Variants in CNTNAP5 observed in about 807,000 individuals in gnomAD.
The protein encoded by CNTNAP5 is contactin-associated protein-like 5.
Under a neutral mutation model 150.2 loss-of-function variants are expected in CNTNAP5, and 72 were observed. The observed-to-expected ratio is 0.48, with a 90% confidence interval of 0.40 to 0.58. The LOEUF (loss-of-function observed/expected upper bound fraction) is 0.58. Ranked by LOEUF, CNTNAP5 falls within the 20% of genes least tolerant of loss-of-function variation. CNTNAP5 has a pLI of 0.00. For synonymous variants in CNTNAP5, 672 were observed against 619.8 expected (o/e 1.08, Z -1.25); for missense variants, 1,636 against 1,626.2 (o/e 1.01, Z -0.10).
chr2:124,920,730 A>G lies in CNTNAP5; in HGVS notation c.*6442A>G, dbSNP rs1678855553. ...AATATAACTTTATTTACAAAATCTAATTTAGTTCATAGGTTACGGTTTGCT... is the reference window on the plus strand; with the variant it reads ...AATATAACTTTATTTACAAAATCTAGTTTAGTTCATAGGTTACGGTTTGCT... On this transcript the variant is annotated 3_prime_UTR_variant, in exon 24 of 24. Coordinates refer to ENST00000682447, the MANE Select transcript of CNTNAP5 (RefSeq NM_001367498.1). Among the ~76,000 whole-genome samples, 1 of 152,242 alleles carries G rather than the reference A, an allele frequency of 6.6e-6. No homozygotes were observed. Among genetic ancestry groups the G allele is most frequent in the South Asian group, 2.1e-4 (1 of 4,826 alleles).
At chr2:124,500,087 C>T (rs1210535628) in intron 7 of CNTNAP5, among the ~76,000 whole-genome samples, 1 of 152,058 alleles carries the variant, frequency 6.6e-6, no homozygotes, top group Non-Finnish European at 1.5e-5. Flanking sequence ...CCTTCCTGTG[C>T]ATTTTACTCT....
chr2:124,721,986 G>C (rs1680059792), intron 13 of CNTNAP5, among the ~76,000 whole-genome samples: 2 of 151,894 alleles, frequency 1.3e-5, no homozygotes, highest in Admixed American at 1.3e-4. Context: ...CACACCCCTA[G>C]TTTATCTTCT....
rs1694197737 is a variant in CNTNAP5 at position 124,498,215 on chromosome 2, G to A, written c.1063-6077G>A. Among the ~76,000 whole-genome samples, 7 of 152,132 alleles carry A rather than the reference G, an allele frequency of 4.6e-5. 1 individual carries two copies. Among genetic ancestry groups the A allele is most frequent in the Admixed American group, 4.6e-4 (7 of 15,270 alleles). ...CTTAGAAACTTCATTCTCTCTCACG[G>A]TTTGCTTCTGGTTTTCATTGCATAG... On this transcript the variant is annotated intron_variant, in intron 7 of 23. Coordinates refer to ENST00000682447, the MANE Select transcript of CNTNAP5 (RefSeq NM_001367498.1).
At chr2:124,856,653 T>G (rs1162839155) in intron 19 of CNTNAP5, among the ~76,000 whole-genome samples, 1 of 152,174 alleles carries the variant, frequency 6.6e-6, no homozygotes, top group Admixed American at 6.5e-5. Flanking sequence ...CCCCTTGTCA[T>G]GTGTAGCTGA....
intron 1 of CNTNAP5, among the ~76,000 whole-genome samples, chr2:124,183,798 C>T (rs184839934): frequency 6.6e-6 from 1 of 152,138 alleles, no homozygotes; most frequent in Non-Finnish European, 1.5e-5. Flanking sequence ...AGAAAGATAA[C>T]GTCCACCCAC....
At chr2:124,685,769 C>T (rs562339939) in intron 13 of CNTNAP5, among the ~76,000 whole-genome samples, 6 of 135,986 alleles carry the variant, frequency 4.4e-5, no homozygotes, top group South Asian at 2.3e-4. Context: ...TGTGCGCGCG[C>T]GTGTTATTGA....
Position 124,447,041 on chromosome 2 carries a change from G to C in CNTNAP5, c.918+104G>C, listed in dbSNP as rs1309843389. ...CTGAGAGAAGTGGTGGGGCACTGAG[G>C]AGTCTTACCCTGGGACTTACTTCCT... On this transcript the variant is annotated intron_variant, in intron 6 of 23. Transcript: ENST00000682447. The C allele has an allele frequency of 6.0e-4, 668 of 1,119,802 alleles. 1 individual carries two copies. Among genetic ancestry groups the C allele is most frequent in the Non-Finnish European group, 7.0e-4 (534 of 766,654 alleles). 69.4% of individuals were successfully genotyped at this position (1,119,802 alleles called of 1,614,324 possible). A position where few individuals can be genotyped will look rare whatever the true frequency, so the allele number is the denominator to read the frequency against.
chr2:124,663,890 G>A (rs970549300), intron 13 of CNTNAP5, among the ~76,000 whole-genome samples: 4 of 152,168 alleles, frequency 2.6e-5, no homozygotes, highest in African/African-American at 7.2e-5. Context: ...GGAGCTCAGA[G>A]TTGGCAATTT....
chr2:124,036,086 G>A (rs1468409201), intron 1 of CNTNAP5, among the ~76,000 whole-genome samples: 5 of 150,274 alleles, frequency 3.3e-5, no homozygotes, highest in Admixed American at 6.6e-5. Flanking sequence ...CACCGCGCCC[G>A]GCTAATTTTT....
chr2:124,328,036 G>A (rs1361059425), intron 3 of CNTNAP5, among the ~76,000 whole-genome samples: 1 of 151,972 alleles, frequency 6.6e-6, no homozygotes, highest in Non-Finnish European at 1.5e-5. Context: ...CAAAATTGAA[G>A]GCTTTTCTGA....
chr2:124,144,325 G>A (rs202002740), intron 1 of CNTNAP5, among the ~76,000 whole-genome samples: 441 of 3,666 alleles, frequency 0.12, 29 homozygotes, highest in Middle Eastern at 0.19. Flanking sequence ...AAAAGAGCCC[G>A]CATCGCCAAG....
chr2:124,555,150 A>C (rs1052454606), intron 10 of CNTNAP5, among the ~76,000 whole-genome samples: 1 of 152,194 alleles, frequency 6.6e-6, no homozygotes, highest in Non-Finnish European at 1.5e-5. Context: ...TGAAAATTAC[A>C]ACACACAGAA....
intron 16 of CNTNAP5, 121 bp downstream of exon 16, chr2:124,764,268 A>T (rs977971960): frequency 2.7e-6 from 2 of 731,304 alleles, no homozygotes; most frequent in South Asian, 3.5e-5. Context: ...GACATCTGTA[A>T]AATTAGCAGT....
chr2:124,626,230 G>A (rs148746214), intron 12 of CNTNAP5, among the ~76,000 whole-genome samples: 3 of 152,150 alleles, frequency 2.0e-5, no homozygotes, highest in African/African-American at 7.2e-5. Flanking sequence ...ATCCTGGGGT[G>A]TGTTAGTCCA....
intron 7 of CNTNAP5, among the ~76,000 whole-genome samples, chr2:124,490,909 A>G (rs1181164884): frequency 1.3e-5 from 2 of 152,160 alleles, no homozygotes; most frequent in East Asian, 3.8e-4. Context: ...ATTTTAAATT[A>G]CTTATGTGGT....
chr2:124,485,487 C>T (rs1693850685), intron 7 of CNTNAP5, among the ~76,000 whole-genome samples: 1 of 151,744 alleles, frequency 6.6e-6, no homozygotes, highest in South Asian at 2.1e-4. Flanking sequence ...GTGGCGGGCA[C>T]CTGTAGTCCC....
intron 17 of CNTNAP5, 129 bp from the exon 18 acceptor site, chr2:124,789,773 A>T: frequency 1.2e-6 from 1 of 808,820 alleles, no homozygotes; most frequent in Non-Finnish European, 1.9e-6. Flanking sequence ...CTGAAACTTT[A>T]ATAAAAAAAT....
chr2:124,892,274 A>T (rs1678209503), intron 21 of CNTNAP5, among the ~76,000 whole-genome samples: 1 of 152,172 alleles, frequency 6.6e-6, no homozygotes, highest in African/African-American at 2.4e-5. Context: ...GAAATGCTAC[A>T]ATTATAGCAA....
chr2:124,412,561 T>A (rs922534759), intron 3 of CNTNAP5, among the ~76,000 whole-genome samples: 2 of 151,508 alleles, frequency 1.3e-5, no homozygotes, highest in Non-Finnish European at 2.9e-5. Flanking sequence ...AGCAGAGCCC[T>A]CAGAAATAAC....
Sources: allele counts gnomAD v4.1 joint callset (sites outside exome capture counted in the v4.1 genomes callset), GRCh38; gene constraint gnomAD v4.1.1; transcripts MANE v1.5; gene names NCBI Gene and HGNC (gene_info 2026-07-23, HGNC 2026-07-21).